The following KCNN2 variants were observed in gnomAD, a reference collection of about 807,000 sequenced individuals.
KCNN2 encodes the protein potassium calcium-activated channel subfamily N member 2.
KCNN2 carries 24 observed loss-of-function variants against 55.5 expected under a neutral mutation model. The observed-to-expected ratio is 0.43, with a 90% CI of 0.31 to 0.61. KCNN2 has a LOEUF of 0.61. KCNN2 is among the 20% of genes least tolerant of loss of function. The pLI is 0.08. For missense variants in KCNN2, 754 were observed against 853.6 expected (o/e 0.88, Z 1.45); for synonymous variants, 431 against 336.1 (o/e 1.28, Z -3.09).
chr5:114,173,625 A>G (rs1753083340), intron 1 of KCNN2, among the ~76,000 whole-genome samples: 1 of 152,042 alleles, frequency 6.6e-6, no homozygotes, highest in Non-Finnish European at 1.5e-5. Context: ...ATTCATGAAC[A>G]TAGAATATCT....
chr5:114,130,222 ATTTC>A (rs1432337221), intron 1 of KCNN2, among the ~76,000 whole-genome samples: 1 of 152,020 alleles, frequency 6.6e-6, no homozygotes. Flanking sequence ...GAGTAGTTCT[ATTTC>A]TTTCTGCTTT....
Position 114,122,916 on chromosome 5 carries a change from A to G in KCNN2, c.-271+66416A>G, listed in dbSNP as rs1208035797. On this transcript the variant is annotated intron_variant, in intron 1 of 10. Transcript: ENST00000512097. ...TGTAAGTAGAAGAAGAACACGCTATATTTTAAAATATCTGCATTATGTAGT... is the reference window on the plus strand; with the variant it reads ...TGTAAGTAGAAGAAGAACACGCTATGTTTTAAAATATCTGCATTATGTAGT... Among the ~76,000 whole-genome samples, 3 of 152,216 alleles carry G rather than the reference A, an allele frequency of 2.0e-5. No individual in the cohort carries two copies. In the East Asian group the frequency reaches 5.8e-4, roughly 29 times the overall value.
chr5:114,295,714 C>T (rs1191159295), intron 2 of KCNN2, among the ~76,000 whole-genome samples: 2 of 152,138 alleles, frequency 1.3e-5, no homozygotes, highest in African/African-American at 4.8e-5. Context: ...CACTTTCCTG[C>T]ACCCACTGTC....
At chr5:114,441,067 T>C (rs1760188765) in intron 3 of KCNN2, among the ~76,000 whole-genome samples, 1 of 152,090 alleles carries the variant, frequency 6.6e-6, no homozygotes, top group Non-Finnish European at 1.5e-5. Context: ...AAAGATAGTG[T>C]TAAAAGCAAA....
chr5:114,120,314 G>T (rs1476956944), intron 1 of KCNN2, among the ~76,000 whole-genome samples: 1 of 152,126 alleles, frequency 6.6e-6, no homozygotes, highest in African/African-American at 2.4e-5. Flanking sequence ...TTCTGGGGCT[G>T]TTGATTAATA....
At chr5:114,486,471 T>C (rs948619563) in intron 5 of KCNN2, among the ~76,000 whole-genome samples, 1 of 152,216 alleles carries the variant, frequency 6.6e-6, no homozygotes, top group African/African-American at 2.4e-5. Flanking sequence ...TGAAATACAG[T>C]GTACTTAAAT....
At chr5:114,072,960 T>C (rs1750607012) in intron 1 of KCNN2, among the ~76,000 whole-genome samples, 1 of 152,206 alleles carries the variant, frequency 6.6e-6, no homozygotes, top group Non-Finnish European at 1.5e-5. Context: ...TACCTGCCAT[T>C]TTATGCATAG....
chr5:114,271,698 T>A (rs542644001), intron 2 of KCNN2, among the ~76,000 whole-genome samples: 1 of 152,350 alleles, frequency 6.6e-6, no homozygotes, highest in Non-Finnish European at 1.5e-5. Flanking sequence ...CCCCCTACTC[T>A]GTATGGACTA....
intron 1 of KCNN2, among the ~76,000 whole-genome samples, chr5:114,095,783 A>T (rs917360820): frequency 6.6e-6 from 1 of 152,096 alleles, no homozygotes; most frequent in African/African-American, 2.4e-5. Flanking sequence ...CTTGCCTTAG[A>T]CATATCTCCT....
chr5:114,336,233 C>G (rs1321173641), intron 2 of KCNN2, among the ~76,000 whole-genome samples: 1 of 152,174 alleles, frequency 6.6e-6, no homozygotes, highest in Admixed American at 6.5e-5. Context: ...ATGTTGGGAT[C>G]TGATAGAGTA....
intron 1 of KCNN2, among the ~76,000 whole-genome samples, chr5:114,108,694 C>T (rs1162604319): frequency 6.6e-6 from 1 of 152,038 alleles, no homozygotes; most frequent in African/African-American, 2.4e-5. Flanking sequence ...TTGCATGTAT[C>T]AGTAGTTTCT....
intron 1 of KCNN2, among the ~76,000 whole-genome samples, chr5:114,143,941 G>T (rs1435047569): frequency 6.6e-6 from 1 of 152,106 alleles, no homozygotes; most frequent in African/African-American, 2.4e-5. Flanking sequence ...TAAAGCAATA[G>T]CACAAATTAT....
At chr5:114,405,716 GT>G (rs35870169) in intron 3 of KCNN2, among the ~76,000 whole-genome samples, 72,706 of 145,010 alleles carry the variant, frequency 0.5, 19,394 homozygotes, top group African/African-American at 0.73. Flanking sequence ...GTTTTGTTTT[GT>G]TTTTTTTTTT....
At chr5:114,260,153 C>A (rs961140217) in intron 2 of KCNN2, among the ~76,000 whole-genome samples, 1 of 152,206 alleles carries the variant, frequency 6.6e-6, no homozygotes, top group South Asian at 2.1e-4. Flanking sequence ...CAGCTCCTGA[C>A]TGTCCTTTCT....
chr5:114,214,309 A>G (rs566687496), intron 1 of KCNN2, among the ~76,000 whole-genome samples: 1 of 152,020 alleles, frequency 6.6e-6, no homozygotes, highest in South Asian at 2.1e-4. Context: ...TTGTTTACAC[A>G]AGTAGATGAC....
At chr5:114,196,597 A>C (rs919480474) in intron 1 of KCNN2, among the ~76,000 whole-genome samples, 1 of 151,866 alleles carries the variant, frequency 6.6e-6, no homozygotes, top group Non-Finnish European at 1.5e-5. Context: ...GTTTCTTTCT[A>C]GGAATTTGTT....
At chr5:114,130,470 C>A (rs985048601) in intron 1 of KCNN2, among the ~76,000 whole-genome samples, 1 of 152,144 alleles carries the variant, frequency 6.6e-6, no homozygotes, top group Non-Finnish European at 1.5e-5. Flanking sequence ...ATCCAGATTT[C>A]TCTTGCTTGT....
chr5:114,342,473 T>C (rs1303892003), intron 2 of KCNN2, among the ~76,000 whole-genome samples: 1 of 152,144 alleles, frequency 6.6e-6, no homozygotes, highest in African/African-American at 2.4e-5. Context: ...TGATGATTAT[T>C]TGTGGAATGT....
intron 2 of KCNN2, among the ~76,000 whole-genome samples, chr5:114,334,251 A>C (rs1319024816): frequency 6.8e-6 from 1 of 147,502 alleles, no homozygotes; most frequent in African/African-American, 2.5e-5. Flanking sequence ...AATCTACTCC[A>C]TATGCCTGAT....
Sources: gnomAD v4.1 joint callset for allele counts (sites outside exome capture counted in the v4.1 genomes callset) on GRCh38, gnomAD v4.1.1 for gene constraint, MANE v1.5 for transcripts, NCBI Gene and HGNC (gene_info 2026-07-23, HGNC 2026-07-21) for gene names.